The following CELF4 variants were observed in gnomAD, a reference collection of about 807,000 sequenced individuals.
The protein encoded by CELF4 is CUG-BP- and ETR-3-like factor 4.
Under a neutral mutation model 59.9 loss-of-function variants are expected in CELF4, and 18 were observed. That is an observed-to-expected ratio of 0.30 (90% confidence interval 0.21 to 0.45). CELF4 has a LOEUF of 0.45. CELF4 is among the 20% of genes least tolerant of loss of function. The pLI, the probability that CELF4 is intolerant of heterozygous loss-of-function variation, is 1.00. For missense variants in CELF4, 456 were observed against 689.0 expected, an observed-to-expected ratio of 0.66 and a Z score of 3.79; for synonymous variants, 261 against 267.1, an observed-to-expected ratio of 0.98 and a Z score of 0.22.
chr18:37,495,117 T>C (rs2099923686), intron 1 of CELF4, among the ~76,000 whole-genome samples: 1 of 152,240 alleles, frequency 6.6e-6, no homozygotes, highest in Non-Finnish European at 1.5e-5. Flanking sequence ...ACCTAGAAAC[T>C]GAACTATGTT....
At chr18:37,388,341 G>T (rs774831795) in intron 2 of CELF4, among the ~76,000 whole-genome samples, 1 of 151,952 alleles carries the variant, frequency 6.6e-6, no homozygotes. Flanking sequence ...GCACTCTGAC[G>T]CTTCCTCCTT....
chr18:37,441,015 G>A (rs963992610), intron 2 of CELF4, among the ~76,000 whole-genome samples: 1 of 152,192 alleles, frequency 6.6e-6, no homozygotes, highest in Admixed American at 6.5e-5. Context: ...TGTTGTCAAC[G>A]TTACTACCAC....
intron 2 of CELF4, among the ~76,000 whole-genome samples, chr18:37,435,079 G>A (rs990668810): frequency 6.6e-6 from 1 of 152,096 alleles, no homozygotes; most frequent in Non-Finnish European, 1.5e-5. Context: ...CCCTGTCTGG[G>A]CTTCCCTGGG....
chr18:37,507,503 T>C (rs570874562), intron 1 of CELF4, among the ~76,000 whole-genome samples: 20 of 152,326 alleles, frequency 1.3e-4, no homozygotes, highest in African/African-American at 4.1e-4. Flanking sequence ...GGTCTGTCAC[T>C]TCCTTGCTTT....
intron 2 of CELF4, among the ~76,000 whole-genome samples, chr18:37,442,614 C>T (rs1007522150): frequency 5.9e-5 from 9 of 152,098 alleles, no homozygotes; most frequent in East Asian, 1.9e-4. Context: ...GTCCACATGG[C>T]GACTCCCGGG....
At chr18:37,390,202 G>A (rs557243090) in intron 2 of CELF4, among the ~76,000 whole-genome samples, 7 of 152,312 alleles carry the variant, frequency 4.6e-5, no homozygotes, top group Non-Finnish European at 7.3e-5. Flanking sequence ...AGCCTGCAGC[G>A]TGGGTTATGG....
intron 2 of CELF4, among the ~76,000 whole-genome samples, chr18:37,327,671 G>A (rs1382554077): frequency 6.6e-6 from 1 of 152,164 alleles, no homozygotes; most frequent in Non-Finnish European, 1.5e-5. Flanking sequence ...GGAGCGGGGA[G>A]GCAAGGGGGG....
intron 3 of CELF4, among the ~76,000 whole-genome samples, chr18:37,319,848 T>G (rs1026557788): frequency 6.6e-6 from 1 of 152,146 alleles, no homozygotes; most frequent in Non-Finnish European, 1.5e-5. Context: ...CAGGGACACT[T>G]GGGCCAGAGC....
rs185722764 is a variant in CELF4 at position 37,465,612 on chromosome 18, G to A, written c.369+19913C>T. Among the ~76,000 whole-genome samples, 361 of 152,308 alleles carry A rather than the reference G, an allele frequency of 2.4e-3. 1 individual carries two copies. Among genetic ancestry groups the A allele is most frequent in the African/African-American group, 8.4e-3 (348 of 41,564 alleles). ...TGACTGTGGGCCCACTGTGTGCCCA[G>A]AGCTGGGATGGCTCTGTGGGTACCA... On this transcript the variant is annotated intron_variant, in intron 2 of 12. Coordinates refer to ENST00000420428, the MANE Select transcript of CELF4 (RefSeq NM_020180.4).
chr18:37,485,082 C>A (rs780757435), intron 2 of CELF4, among the ~76,000 whole-genome samples: 1 of 152,204 alleles, frequency 6.6e-6, no homozygotes, highest in Non-Finnish European at 1.5e-5. Flanking sequence ...AGGGCCGAGG[C>A]GCGATAGTTT....
At chr18:37,278,293 C>T (rs921807728) in intron 3 of CELF4, among the ~76,000 whole-genome samples, 3 of 152,306 alleles carry the variant, frequency 2.0e-5, no homozygotes, top group East Asian at 1.9e-4. Context: ...CCAAAGACAC[C>T]CAGCTTCAGA....
intron 3 of CELF4, among the ~76,000 whole-genome samples, chr18:37,279,683 C>G (rs2093874966): frequency 6.6e-6 from 1 of 152,188 alleles, no homozygotes; most frequent in African/African-American, 2.4e-5. Context: ...TACACAAGTC[C>G]CCAAACAAGA....
At chr18:37,425,677 A>G (rs1385252697) in intron 2 of CELF4, among the ~76,000 whole-genome samples, 1 of 152,252 alleles carries the variant, frequency 6.6e-6, no homozygotes, top group African/African-American at 2.4e-5. Context: ...AAGAAAGAAA[A>G]AAGCAGGTTC....
intron 3 of CELF4, among the ~76,000 whole-genome samples, chr18:37,280,931 C>T (rs139596758): frequency 1.2e-4 from 19 of 152,316 alleles, no homozygotes; most frequent in Admixed American, 7.8e-4. Flanking sequence ...GGGTGACACC[C>T]GGGGAAGTGA....
intron 2 of CELF4, among the ~76,000 whole-genome samples, chr18:37,481,837 T>C (rs2099868156): frequency 6.6e-6 from 1 of 152,216 alleles, no homozygotes; most frequent in Non-Finnish European, 1.5e-5. Flanking sequence ...TATCCTGAGC[T>C]TTGGTAGCAG....
At chr18:37,247,974 G>C (rs527655517) in intron 12 of CELF4, among the ~76,000 whole-genome samples, 142 of 152,266 alleles carry the variant, frequency 9.3e-4, no homozygotes, top group Non-Finnish European at 1.4e-3. Flanking sequence ...GGTGGCCCTG[G>C]TCAGCTGGGT....
intron 2 of CELF4, among the ~76,000 whole-genome samples, chr18:37,351,556 A>G (rs760536927): frequency 3.3e-5 from 5 of 151,498 alleles, no homozygotes; most frequent in Non-Finnish European, 7.4e-5. Flanking sequence ...ATTTTGAGCC[A>G]GTGTCCAGAA....
intron 2 of CELF4, among the ~76,000 whole-genome samples, chr18:37,431,819 CT>C (rs2099668469): frequency 6.6e-6 from 1 of 152,240 alleles, no homozygotes; most frequent in Non-Finnish European, 1.5e-5. Flanking sequence ...CCAAATGCAT[CT>C]GCAAGGCCGT....
intron 2 of CELF4, among the ~76,000 whole-genome samples, chr18:37,404,886 G>T (rs1322831885): frequency 6.6e-6 from 1 of 152,140 alleles, no homozygotes; most frequent in African/African-American, 2.4e-5. Flanking sequence ...ATCCCTTGTC[G>T]CATGCTTTTC....
Sources: gnomAD v4.1 joint callset for allele counts (sites outside exome capture counted in the v4.1 genomes callset) on GRCh38, gnomAD v4.1.1 for gene constraint, MANE v1.5 for transcripts, NCBI Gene and HGNC (gene_info 2026-07-23, HGNC 2026-07-21) for gene names.